PACRG: variants seen among roughly 807,000 people sequenced by gnomAD.
PACRG encodes parkin coregulated.
PACRG carries 29 observed loss-of-function variants against 29.7 expected under a neutral mutation model. That is an observed-to-expected ratio of 0.98 (90% CI 0.73 to 1.33). The LOEUF is 1.33. Among genes scored for constraint, PACRG ranks in the 40% most tolerant of loss-of-function variants. The pLI is 0.00. For missense variants in PACRG, 279 were observed against 316.2 expected (o/e 0.88, Z 0.89); for synonymous variants, 116 against 118.7 (o/e 0.98, Z 0.15).
chr6:163,035,812 C>CAAAAAAAAAAAA (rs1156795173), intron 2 of PACRG, among the ~76,000 whole-genome samples: 1 of 64,234 alleles, frequency 1.6e-5, no homozygotes, highest in African/African-American at 5.9e-5. Flanking sequence ...GACTCTGTCT[C>CAAAAAAAAAAAA]AAAAAAAAAA....
In PACRG at chr6:163,186,171, G is replaced by A. The variant is rs553479591; in HGVS notation, c.613+96763G>A. ...CCTAGCCAGGGGGCTTCGTTGTGTG[G>A]CCTTTTCTCTGGCAGGCTTTCAGAT... is the stretch of plus-strand genomic sequence containing the variant. On this transcript the variant is annotated intron_variant, in intron 4 of 4. Coordinates refer to ENST00000366888, the MANE Select transcript of PACRG (RefSeq NM_001080379.2). Among the ~76,000 whole-genome samples the A allele has an allele frequency of 2.0e-5, 3 of 152,276 alleles. No individual in the cohort carries two copies. The East Asian group carries it at 5.8e-4, about 29-fold the overall frequency.
chr6:162,767,915 G>C (rs1029222346), intron 1 of PACRG, among the ~76,000 whole-genome samples: 2 of 151,866 alleles, frequency 1.3e-5, no homozygotes, highest in African/African-American at 4.8e-5. Flanking sequence ...GGAAATGTTA[G>C]AATAATCAAA....
intron 3 of PACRG, among the ~76,000 whole-genome samples, chr6:163,072,817 A>G (rs1812196439): frequency 1.3e-5 from 2 of 152,178 alleles, no homozygotes; most frequent in Admixed American, 1.3e-4. Flanking sequence ...CCAAGAGTGA[A>G]CAAACTGAAA....
At chr6:163,224,549 G>C (rs1377960825) in intron 4 of PACRG, among the ~76,000 whole-genome samples, 2 of 152,004 alleles carry the variant, frequency 1.3e-5, no homozygotes, top group African/African-American at 4.8e-5. Context: ...ATATTCAGCT[G>C]ATCTGCAACA....
intron 2 of PACRG, among the ~76,000 whole-genome samples, chr6:163,021,210 A>T (rs1460058174): frequency 6.6e-6 from 1 of 152,124 alleles, no homozygotes; most frequent in Non-Finnish European, 1.5e-5. Context: ...TGCAAAGCTC[A>T]GTGTGTCCAT....
chr6:163,023,204 G>C (rs1253510335), intron 2 of PACRG, among the ~76,000 whole-genome samples: 1 of 152,162 alleles, frequency 6.6e-6, no homozygotes, highest in Non-Finnish European at 1.5e-5. Flanking sequence ...TACCCGATGG[G>C]TAGTTTTTTA....
chr6:163,281,872 T>C (rs1784236970), intron 4 of PACRG, among the ~76,000 whole-genome samples: 1 of 152,190 alleles, frequency 6.6e-6, no homozygotes, highest in African/African-American at 2.4e-5. Context: ...AACCGATATC[T>C]TGACAGCATT....
chr6:163,017,683 C>T (rs967418805), intron 2 of PACRG, among the ~76,000 whole-genome samples: 1 of 151,994 alleles, frequency 6.6e-6, no homozygotes, highest in African/African-American at 2.4e-5. Flanking sequence ...GAGAGAGAGA[C>T]AGACAGACAG....
At chr6:163,258,754 CAA>C (rs11335989) in intron 4 of PACRG, among the ~76,000 whole-genome samples, 7 of 121,432 alleles carry the variant, frequency 5.8e-5, no homozygotes, top group African/African-American at 1.2e-4. Context: ...GAATCCATCT[CAA>C]AAAAAAAAAA....
chr6:163,174,540 C>G (rs1244174114), intron 4 of PACRG, among the ~76,000 whole-genome samples: 1 of 152,184 alleles, frequency 6.6e-6, no homozygotes, highest in African/African-American at 2.4e-5. Flanking sequence ...ATGAACCAGT[C>G]TATCTCATTG....
chr6:163,097,096 G>A (rs923996291), intron 4 of PACRG, among the ~76,000 whole-genome samples: 5 of 152,154 alleles, frequency 3.3e-5, no homozygotes, highest in African/African-American at 1.2e-4. Flanking sequence ...TACGCATAGG[G>A]CTGCATCAGC....
intron 1 of PACRG, among the ~76,000 whole-genome samples, chr6:162,760,151 G>A (rs886882407): frequency 6.6e-6 from 1 of 152,306 alleles, no homozygotes; most frequent in Admixed American, 6.5e-5. Flanking sequence ...CAAGTGCGGT[G>A]TATGACTCCC....
intron 4 of PACRG, chr6:163,190,744 G>T: frequency 7.6e-6 from 2 of 261,986 alleles, no homozygotes; most frequent in South Asian, 4.1e-5. Flanking sequence ...AAAAGTGTAG[G>T]GCTCTTTCTC....
intron 2 of PACRG, among the ~76,000 whole-genome samples, chr6:162,846,729 G>C (rs1790413668): frequency 6.6e-6 from 1 of 152,184 alleles, no homozygotes; most frequent in Admixed American, 6.5e-5. Flanking sequence ...ATCCACTTTT[G>C]GCTTTTTGTA....
intron 4 of PACRG, among the ~76,000 whole-genome samples, chr6:163,130,772 C>T (rs952789355): frequency 6.6e-6 from 1 of 152,116 alleles, no homozygotes; most frequent in African/African-American, 2.4e-5. Context: ...TTGCACTTAG[C>T]GGGTCCTTTG....
intron 4 of PACRG, among the ~76,000 whole-genome samples, chr6:163,289,493 T>C (rs1585403048): frequency 6.6e-6 from 1 of 152,328 alleles, no homozygotes; most frequent in South Asian, 2.1e-4. Flanking sequence ...ATATTTTTAA[T>C]TTTTTAAAAT....
At chr6:163,296,470 T>C (rs1231066263) in intron 4 of PACRG, among the ~76,000 whole-genome samples, 5 of 152,184 alleles carry the variant, frequency 3.3e-5, no homozygotes, top group Non-Finnish European at 2.9e-5. Flanking sequence ...AATTTTTGTA[T>C]TTTTAGTAGA....
chr6:162,772,700 C>A (rs1783314400), intron 1 of PACRG, among the ~76,000 whole-genome samples: 1 of 152,046 alleles, frequency 6.6e-6, no homozygotes, highest in South Asian at 2.1e-4. Flanking sequence ...ATTAACCTGG[C>A]AGCAATACAA....
intron 4 of PACRG, among the ~76,000 whole-genome samples, chr6:163,284,691 G>A (rs1003623266): frequency 1.3e-5 from 2 of 151,902 alleles, no homozygotes; most frequent in African/African-American, 2.4e-5. Flanking sequence ...GTCCAGAGCC[G>A]CCCCCAACCC....
Sources: allele counts gnomAD v4.1 joint callset (sites outside exome capture counted in the v4.1 genomes callset), GRCh38; gene constraint gnomAD v4.1.1; transcripts MANE v1.5; gene names NCBI Gene and HGNC (gene_info 2026-07-23, HGNC 2026-07-21).